Variants in SLC8A1 observed in about 807,000 individuals in gnomAD.
SLC8A1 encodes sodium/calcium exchanger 1.
Under a neutral mutation model 68.3 loss-of-function variants are expected in SLC8A1, and 18 were observed. The observed-to-expected ratio is 0.26, with a 90% CI of 0.18 to 0.39. The LOEUF (loss-of-function observed/expected upper bound fraction) is 0.39, where lower values mean the gene tolerates loss of function less well. Ranked by LOEUF, SLC8A1 falls within the 10% of genes least tolerant of loss-of-function variation. SLC8A1 has a pLI of 1.00. For missense variants in SLC8A1, 985 were observed against 1,156.7 expected (o/e 0.85, Z 2.15); for synonymous variants, 475 against 415.5 (o/e 1.14, Z -1.74).
chr2:40,274,581 T>C (rs1420714769), intron 2 of SLC8A1, among the ~76,000 whole-genome samples: 1 of 152,160 alleles, frequency 6.6e-6, no homozygotes, highest in African/African-American at 2.4e-5. Context: ...TTGCAAAAGA[T>C]CAGATGATGA....
intron 2 of SLC8A1, among the ~76,000 whole-genome samples, chr2:40,203,942 T>C (rs2054889031): frequency 6.6e-6 from 1 of 151,950 alleles, no homozygotes; most frequent in African/African-American, 2.4e-5. Context: ...TCTCAAACTC[T>C]TGGGCTCAAG....
At chr2:40,432,655 G>A (rs1475065049) in intron 1 of SLC8A1, among the ~76,000 whole-genome samples, 2 of 151,966 alleles carry the variant, frequency 1.3e-5, no homozygotes, top group South Asian at 2.1e-4. Context: ...TGGACCAAGG[G>A]GGCAGGGCTC....
chr2:40,375,422 T>G (rs1234569944), intron 2 of SLC8A1, among the ~76,000 whole-genome samples: 1 of 152,128 alleles, frequency 6.6e-6, no homozygotes, highest in Non-Finnish European at 1.5e-5. Context: ...ACTTACAATA[T>G]ATCCAATTAG....
chr2:40,112,205 G>A (rs773361356), exon 8 of SLC8A1: 1 of 152,654 alleles, frequency 6.6e-6, no homozygotes, highest in Admixed American at 6.5e-5. Flanking sequence ...AGATGACAAT[G>A]AGAAAGGAGA....
intron 2 of SLC8A1, among the ~76,000 whole-genome samples, chr2:40,377,078 A>C (rs1308278178): frequency 6.6e-6 from 1 of 152,090 alleles, no homozygotes; most frequent in Non-Finnish European, 1.5e-5. Context: ...AAGTGAAGAA[A>C]GTGTGCATAT....
intron 2 of SLC8A1, among the ~76,000 whole-genome samples, chr2:40,262,258 G>A (rs914155952): frequency 1.3e-5 from 2 of 152,122 alleles, no homozygotes; most frequent in African/African-American, 4.8e-5. Context: ...ACCGCACCCG[G>A]CCCTCTCTTC....
At chr2:40,443,532 G>C (rs1559707262) in intron 1 of SLC8A1, among the ~76,000 whole-genome samples, 1 of 152,050 alleles carries the variant, frequency 6.6e-6, no homozygotes. Flanking sequence ...GATATGCTGG[G>C]GTATGAGATC....
intron 4 of SLC8A1, 141 bp from the exon 7 acceptor site, chr2:40,170,490 G>A: frequency 2.8e-6 from 2 of 704,256 alleles, no homozygotes; most frequent in Non-Finnish European, 2.5e-6. Context: ...AATGATCATA[G>A]GTCACCCCTA....
chr2:40,288,480 C>T (rs1199428580), intron 2 of SLC8A1, among the ~76,000 whole-genome samples: 1 of 152,022 alleles, frequency 6.6e-6, no homozygotes, highest in Non-Finnish European at 1.5e-5. Context: ...ATATTCTCCC[C>T]AGCCCCTACT....
At chr2:40,384,239 C>T (rs1397403989) in intron 2 of SLC8A1, among the ~76,000 whole-genome samples, 2 of 151,694 alleles carry the variant, frequency 1.3e-5, no homozygotes, top group Admixed American at 6.6e-5. Flanking sequence ...TCTGGGAGAC[C>T]GAGCAAGACC....
chr2:40,192,737 A>G (rs745487607), intron 2 of SLC8A1, among the ~76,000 whole-genome samples: 1 of 152,124 alleles, frequency 6.6e-6, no homozygotes, highest in Non-Finnish European at 1.5e-5. Flanking sequence ...GGTCCTGAAT[A>G]CTTTTTTTTA....
intron 6 of SLC8A1, among the ~76,000 whole-genome samples, chr2:40,151,571 A>C (rs1573216593): frequency 6.6e-6 from 1 of 152,184 alleles, no homozygotes; most frequent in Admixed American, 6.5e-5. Context: ...ATAGAGCATA[A>C]GATATTTTAA....
Position 40,225,904 on chromosome 2 carries a change from G to C in SLC8A1, c.1809-48049C>G, listed in dbSNP as rs116641641. Among the ~76,000 whole-genome samples the C allele has an allele frequency of 9.2e-3, 1,408 of 152,284 alleles. 30 individuals are homozygous for C. The highest frequency in any genetic ancestry group is 0.032 in the African/African-American group (1,317 of 41,584). On this transcript the variant is annotated intron_variant, in intron 2 of 7. Transcript: ENST00000406785. ...ACTTGAATGGCAAGCTTCAGCGTTA[G>C]AGTTGCTCTATTTATACACTGCTTT...
At chr2:40,323,972 A>T (rs2075518567) in intron 2 of SLC8A1, among the ~76,000 whole-genome samples, 1 of 151,948 alleles carries the variant, frequency 6.6e-6, no homozygotes, top group South Asian at 2.1e-4. Context: ...CTTAACTTAT[A>T]AATAGAGTTA....
chr2:40,437,232 G>T, intron 1 of SLC8A1, among the ~76,000 whole-genome samples: 1 of 152,086 alleles, frequency 6.6e-6, no homozygotes, highest in South Asian at 2.1e-4. Flanking sequence ...AGTTAACAAT[G>T]TTTTCTGGGG....
At chr2:40,495,665 C>G (rs1483079650) in intron 1 of SLC8A1, among the ~76,000 whole-genome samples, 1 of 151,988 alleles carries the variant, frequency 6.6e-6, no homozygotes, top group African/African-American at 2.4e-5. Context: ...AATAAGAGGT[C>G]ATTCCAGTGG....
intron 1 of SLC8A1, among the ~76,000 whole-genome samples, chr2:40,508,415 G>C (rs1404738477): frequency 6.6e-6 from 1 of 151,008 alleles, no homozygotes; most frequent in African/African-American, 2.4e-5. Flanking sequence ...CAATGTTTTA[G>C]AAAATTGTTG....
In SLC8A1 at chr2:40,369,465, C is replaced by T. The variant is rs547351121; in HGVS notation, c.1808+59008G>A. On this transcript the variant is annotated intron_variant, in intron 2 of 7. Coordinates refer to ENST00000406785, the Ensembl canonical transcript of SLC8A1. Reference sequence around the variant, plus strand: ...ATGCATGAACTTCAAGAATTCCACTCTAAGAGAAAATGAATAGATTTAGCA... The same window carrying T: ...ATGCATGAACTTCAAGAATTCCACTTTAAGAGAAAATGAATAGATTTAGCA... 5.9e-5 allele frequency among the ~76,000 whole-genome samples: 9 copies of T among 152,174 alleles called. No individual in the cohort carries two copies. In the South Asian group the frequency reaches 1.5e-3, roughly 25 times the overall value.
At chr2:40,379,011 C>T (rs972211542) in intron 2 of SLC8A1, among the ~76,000 whole-genome samples, 1 of 152,104 alleles carries the variant, frequency 6.6e-6, no homozygotes, top group South Asian at 2.1e-4. Flanking sequence ...GGAATGTTCA[C>T]CCCATGAGGG....
Sources: gnomAD v4.1 joint callset for allele counts (sites outside exome capture counted in the v4.1 genomes callset) on GRCh38, gnomAD v4.1.1 for gene constraint, MANE v1.5 for transcripts, NCBI Gene and HGNC (gene_info 2026-07-23, HGNC 2026-07-21) for gene names.